ARHGAP24: variants seen among roughly 807,000 people sequenced by gnomAD.
ARHGAP24 encodes the protein Rho GTPase activating protein 24.
A neutral mutation model predicts 76.4 loss-of-function variants in ARHGAP24; 50 were observed. The ratio of observed to expected loss-of-function variants is 0.65; its 90% CI spans 0.52 to 0.83. The LOEUF (loss-of-function observed/expected upper bound fraction) is 0.83, where lower values mean the gene tolerates loss of function less well. Ranked by LOEUF, ARHGAP24 falls within the 40% of genes least tolerant of loss-of-function variation. The pLI is 0.00. For missense variants in ARHGAP24, 930 were observed against 914.2 expected, an observed-to-expected ratio of 1.02 and a Z score of -0.22; for synonymous variants, 345 against 323.3, an observed-to-expected ratio of 1.07 and a Z score of -0.72.
intron 1 of ARHGAP24, among the ~76,000 whole-genome samples, chr4:85,508,680 T>C (rs1724155912): frequency 6.6e-6 from 1 of 152,228 alleles, no homozygotes; most frequent in Non-Finnish European, 1.5e-5. Context: ...ATTGGTGTTT[T>C]GCACAAAGGT....
At chr4:85,720,014 CA>C (rs1451014067) in intron 2 of ARHGAP24, among the ~76,000 whole-genome samples, 2 of 143,788 alleles carry the variant, frequency 1.4e-5, no homozygotes, top group Admixed American at 7.3e-5. Context: ...AGAGCAGAAA[CA>C]AAAAAACCAA....
At chr4:85,871,530 A>T (rs2601868) in intron 3 of ARHGAP24, among the ~76,000 whole-genome samples, 2 of 152,108 alleles carry the variant, frequency 1.3e-5, no homozygotes, top group East Asian at 3.9e-4. Context: ...CACATATTCC[A>T]CGAAACCTAA....
chr4:85,980,662 T>C (rs2148859406), intron 8 of ARHGAP24, among the ~76,000 whole-genome samples: 1 of 152,352 alleles, frequency 6.6e-6, no homozygotes, highest in Non-Finnish European at 1.5e-5. Flanking sequence ...TGTATGTAAA[T>C]CTATCCACTT....
intron 3 of ARHGAP24, among the ~76,000 whole-genome samples, chr4:85,920,705 G>T (rs2148809217): frequency 6.6e-6 from 1 of 152,134 alleles, no homozygotes; most frequent in Non-Finnish European, 1.5e-5. Flanking sequence ...TTAAAAAGTG[G>T]TCAAAGGAAA....
chr4:85,906,720 T>A (rs1244508497), intron 3 of ARHGAP24, among the ~76,000 whole-genome samples: 1 of 152,186 alleles, frequency 6.6e-6, no homozygotes, highest in Non-Finnish European at 1.5e-5. Context: ...AAGATTTTTT[T>A]AAATAATCAT....
intron 2 of ARHGAP24, among the ~76,000 whole-genome samples, chr4:85,685,409 G>A (rs1723380215): frequency 1.3e-5 from 2 of 152,046 alleles, no homozygotes; most frequent in Admixed American, 1.3e-4. Flanking sequence ...GAGGCAGGTG[G>A]ATCATGAGGT....
intron 5 of ARHGAP24, among the ~76,000 whole-genome samples, chr4:85,962,466 G>C (rs923595129): frequency 1.8e-4 from 27 of 151,918 alleles, no homozygotes; most frequent in African/African-American, 6.5e-4. Context: ...CAAACTAGTC[G>C]TGTAATCTAT....
At chr4:85,664,084 T>C (rs1272930404) in intron 2 of ARHGAP24, among the ~76,000 whole-genome samples, 1 of 151,336 alleles carries the variant, frequency 6.6e-6, no homozygotes, top group Non-Finnish European at 1.5e-5. Flanking sequence ...TCAGAAGGAA[T>C]GGTACCAGTT....
chr4:85,640,980 A>T (rs955809987), intron 2 of ARHGAP24, among the ~76,000 whole-genome samples: 14 of 151,410 alleles, frequency 9.2e-5, no homozygotes, highest in African/African-American at 3.4e-4. Context: ...AACTCAGAGA[A>T]ATTTAATTAA....
At chr4:85,783,544 G>C in intron 3 of ARHGAP24, among the ~76,000 whole-genome samples, 1 of 151,724 alleles carries the variant, frequency 6.6e-6, no homozygotes, top group South Asian at 2.1e-4. Flanking sequence ...CAAGCTTTCA[G>C]TCTAATATCT....
intron 3 of ARHGAP24, among the ~76,000 whole-genome samples, chr4:85,756,529 G>A (rs1726502251): frequency 6.6e-6 from 1 of 152,082 alleles, no homozygotes; most frequent in Non-Finnish European, 1.5e-5. Context: ...GAGTTTCATA[G>A]TAAAAAATGA....
At chr4:85,587,658 A>G (rs1481615111) in intron 2 of ARHGAP24, among the ~76,000 whole-genome samples, 1 of 152,164 alleles carries the variant, frequency 6.6e-6, no homozygotes, top group Non-Finnish European at 1.5e-5. Flanking sequence ...TGGTCTAATC[A>G]TGCCGTGTTT....
At chr4:85,723,339 A>C (rs1282596750) in intron 3 of ARHGAP24, 1 of 152,246 alleles carries the variant, frequency 6.6e-6, no homozygotes, top group East Asian at 1.9e-4. Flanking sequence ...TTGGTGAAGA[A>C]GTTCTCAAGT....
intron 1 of ARHGAP24, among the ~76,000 whole-genome samples, chr4:85,501,869 G>C (rs1263029215): frequency 6.6e-6 from 1 of 152,044 alleles, no homozygotes; most frequent in African/African-American, 2.4e-5. Flanking sequence ...TAACATTAAA[G>C]TCTTTAATCC....
intron 8 of ARHGAP24, among the ~76,000 whole-genome samples, chr4:85,986,865 A>G (rs1485166674): frequency 6.6e-6 from 1 of 152,068 alleles, no homozygotes. Context: ...CAAAGGTATT[A>G]CCTTAGTGCT....
At chr4:85,699,288 G>C (rs17010607) in intron 2 of ARHGAP24, among the ~76,000 whole-genome samples, 2,052 of 152,208 alleles carry the variant, frequency 0.013, 49 homozygotes, top group African/African-American at 0.045. Flanking sequence ...AAACTGATGA[G>C]TGTCCATTAA....
chr4:85,930,512 G>C lies in ARHGAP24; in HGVS notation c.391+6742G>C, dbSNP rs565143678. 2.6e-3 allele frequency: 2,574 copies of C among 1,007,150 alleles called. 6 individuals are homozygous for C. Among genetic ancestry groups the C allele is most frequent in the Non-Finnish European group, 2.9e-3 (2,432 of 844,608 alleles). The allele number at this position is 1,007,150 out of a possible 1,614,324, so 62.4% of individuals were successfully genotyped here. On this transcript the variant is annotated intron_variant, in intron 4 of 9. Coordinates refer to ENST00000395184, the MANE Select transcript of ARHGAP24 (RefSeq NM_001025616.3). ...TTGTTCCTCTTTCCTCTTGCACAGA[G>C]CTATTTGCTGACCTTTCCAGAGGAA...
At chr4:85,804,485 A>AT (rs1728709370) in intron 3 of ARHGAP24, among the ~76,000 whole-genome samples, 1 of 152,180 alleles carries the variant, frequency 6.6e-6, no homozygotes, top group Admixed American at 6.5e-5. Flanking sequence ...AAAGGAGGTC[A>AT]TTTTCTTCTC....
Position 85,977,599 on chromosome 4 carries a change from G to A in ARHGAP24, c.836G>A (p.Gly279Glu), listed in dbSNP as rs1309437460. The change falls in exon 8 of 10, where the codon GGA (glycine) becomes GAA (glutamate). Residue 279 changes from glycine to glutamate, a missense_variant. Coordinates refer to ENST00000395184, the MANE Select transcript of ARHGAP24 (RefSeq NM_001025616.3). ...RFLDEVQSYS[G>E]VNKMSVQNLA... ...TTGGATGAAGTACAGTCCTACTCGG[G>A]AGTTAACAAAATGAGTGTGCAGAAC... The A allele has an allele frequency of 2.5e-6, 4 of 1,613,840 alleles. No homozygotes were observed. The highest frequency in any genetic ancestry group is 2.2e-5 in the East Asian group (1 of 44,846).
Sources: gnomAD v4.1 joint callset for allele counts (sites outside exome capture counted in the v4.1 genomes callset) on GRCh38, gnomAD v4.1.1 for gene constraint, MANE v1.5 for transcripts, NCBI Gene and HGNC (gene_info 2026-07-23, HGNC 2026-07-21) for gene names.